Variants in PRMT8 observed in about 807,000 individuals in gnomAD.
The protein encoded by PRMT8 is protein arginine methyltransferase 8, also known as protein arginine N-methyltransferase 8.
In PRMT8, 7 loss-of-function variants were observed where a neutral mutation model predicts 47.1. The observed-to-expected ratio is 0.15, with a 90% confidence interval of 0.08 to 0.28. PRMT8 has a LOEUF of 0.28. Among genes scored for constraint, PRMT8 ranks in the 10% least tolerant of loss-of-function variants. PRMT8 has a pLI of 1.00. For missense variants in PRMT8, 237 were observed against 505.4 expected (o/e 0.47, Z 5.09); for synonymous variants, 188 against 186.5 (o/e 1.01, Z -0.07).
intron 1 of PRMT8, among the ~76,000 whole-genome samples, chr12:3,460,524 T>C (rs1865029329): frequency 6.6e-6 from 1 of 152,148 alleles, no homozygotes; most frequent in Non-Finnish European, 1.5e-5. Flanking sequence ...TAGGCAATGA[T>C]GAAGTTGGAG....
At position 3,494,050 on chromosome 12, in the gene PRMT8, A is replaced by T. The variant is rs182921393; in HGVS notation, c.75+2350A>T. 4.6e-4 allele frequency among the ~76,000 whole-genome samples: 70 copies of T among 152,310 alleles called. 1 individual carries two copies. The highest frequency in any genetic ancestry group is 4.0e-3 in the Admixed American group (61 of 15,300). ...GCCAGGACTAGAGCAGCACTTCCAA[A>T]AGTGGGGTGTTGTGGACTTGCCTGC... On this transcript the variant is annotated intron_variant, in intron 1 of 9. Coordinates refer to ENST00000382622, the MANE Select transcript of PRMT8 (RefSeq NM_019854.5).
chr12:3,493,403 G>A lies in PRMT8; in HGVS notation c.75+1703G>A, dbSNP rs1035289875. ...CGCGCTTCTGTGAAGTGTGGAGCGAGCGGGCACGTAGCGGTCTCTGCCAGG... is the reference window on the plus strand; with the variant it reads ...CGCGCTTCTGTGAAGTGTGGAGCGAACGGGCACGTAGCGGTCTCTGCCAGG... On this transcript the variant is annotated intron_variant, in intron 1 of 9. Transcript: ENST00000382622. This position sits in a 1 kb window ranked among gnomAD's most constrained non-coding sequence, Gnocchi z 8.2. Among the ~76,000 whole-genome samples, 3 of 152,262 alleles carry A rather than the reference G, an allele frequency of 2.0e-5. No homozygotes were observed. The highest frequency in any genetic ancestry group is 7.2e-5 in the African/African-American group (3 of 41,476).
At chr12:3,392,643 G>C (rs1864205124) in intron 1 of PRMT8, among the ~76,000 whole-genome samples, 1 of 151,660 alleles carries the variant, frequency 6.6e-6, no homozygotes, top group African/African-American at 2.4e-5. Context: ...CCAAGTCTTT[G>C]CTATTGTGAA....
intron 1 of PRMT8, among the ~76,000 whole-genome samples, chr12:3,519,660 G>A (rs1221673220): frequency 3.3e-5 from 5 of 152,202 alleles, no homozygotes; most frequent in African/African-American, 1.2e-4. Flanking sequence ...GAAGCTGTGA[G>A]TCCACCAGGG....
chr12:3,451,063 G>T (rs1864913963), intron 1 of PRMT8, among the ~76,000 whole-genome samples: 1 of 66,286 alleles, frequency 1.5e-5, no homozygotes, highest in Non-Finnish European at 2.9e-5. Context: ...CCCGCCGAAA[G>T]GTTTTGGGAC....
At chr12:3,434,968 CT>C (rs398044252) in intron 1 of PRMT8, among the ~76,000 whole-genome samples, 213 of 130,708 alleles carry the variant, frequency 1.6e-3, no homozygotes, top group Middle Eastern at 8.0e-3. Flanking sequence ...TTGCTTTGCT[CT>C]TTTTTTTTTT....
chr12:3,420,911 C>T (rs74848364), intron 1 of PRMT8, among the ~76,000 whole-genome samples: 333 of 152,248 alleles, frequency 2.2e-3, no homozygotes, highest in Non-Finnish European at 3.7e-3. Flanking sequence ...GAGTGCAGTT[C>T]CGTGGGGAAG....
intron 1 of PRMT8, among the ~76,000 whole-genome samples, chr12:3,398,177 C>T (rs1240201562): frequency 6.6e-6 from 1 of 152,328 alleles, no homozygotes; most frequent in African/African-American, 2.4e-5. Context: ...CTGCGTCGCT[C>T]ATGCTGTGAG....
chr12:3,405,116 A>G (rs1864359478), intron 1 of PRMT8, among the ~76,000 whole-genome samples: 1 of 152,162 alleles, frequency 6.6e-6, no homozygotes, highest in Non-Finnish European at 1.5e-5. Flanking sequence ...ATGGCTGGGG[A>G]GGCCTCAGGA....
At position 3,492,006 on chromosome 12, in the gene PRMT8, C is replaced by T. The variant is rs573682174; in HGVS notation, c.75+306C>T. Among the ~76,000 whole-genome samples the T allele has an allele frequency of 2.9e-4, 44 of 152,146 alleles. No homozygotes were observed. Among genetic ancestry groups the T allele is most frequent in the African/African-American group, 9.9e-4 (41 of 41,518 alleles). The stretch of plus-strand genomic sequence containing the variant: ...ACCCGCTGCTCCCTTCTCCCGCCCC[C>T]AAGTCCCAAACCCCGGGCAGCCGCG... On this transcript the variant is annotated intron_variant, in intron 1 of 9. Transcript: ENST00000382622. The surrounding 1 kb of genome is among the most constrained non-coding windows in gnomAD (Gnocchi z 7.5).
chr12:3,465,884 A>G (rs1281070872), intron 1 of PRMT8, among the ~76,000 whole-genome samples: 1 of 152,102 alleles, frequency 6.6e-6, no homozygotes, highest in Non-Finnish European at 1.5e-5. Context: ...TTTCTAATTC[A>G]TCTCTGTAGC....
At chr12:3,540,996 T>C (rs1015574252) in intron 2 of PRMT8, among the ~76,000 whole-genome samples, 1 of 152,062 alleles carries the variant, frequency 6.6e-6, no homozygotes, top group African/African-American at 2.4e-5. Context: ...CAGGTGAAAG[T>C]GTGTGTCTGT....
intron 4 of PRMT8, among the ~76,000 whole-genome samples, chr12:3,558,961 C>CCTGTCTATCTATCTATCTATCTAT: frequency 6.7e-6 from 1 of 150,108 alleles, no homozygotes; most frequent in African/African-American, 2.5e-5. Flanking sequence ...TATCTATCTA[C>CCTGTCTATCTATCTATCTATCTAT]CTATCTATCT....
intron 1 of PRMT8, among the ~76,000 whole-genome samples, chr12:3,526,865 G>A (rs1865956312): frequency 6.6e-6 from 1 of 151,976 alleles, no homozygotes; most frequent in African/African-American, 2.4e-5. Flanking sequence ...TTACTTTTAA[G>A]CTTTTATTAT....
At position 3,576,486 on chromosome 12, in the gene PRMT8, C is replaced by T. The variant is rs781418563; in HGVS notation, c.713-385C>T. Among the ~76,000 whole-genome samples, 62 of 152,192 alleles carry T rather than the reference C, an allele frequency of 4.1e-4. 1 individual carries two copies. The highest frequency in any genetic ancestry group is 8.1e-4 in the Non-Finnish European group (55 of 68,020). On this transcript the variant is annotated intron_variant, in intron 6 of 9. Coordinates refer to ENST00000382622, the MANE Select transcript of PRMT8 (RefSeq NM_019854.5). This position sits in a 1 kb window ranked among gnomAD's most constrained non-coding sequence, Gnocchi z 4.0. The stretch of plus-strand genomic sequence containing the variant: ...GCTCGAGACAGCATAGGAATGGGAA[C>T]GTAGAAGACAGATAAGGGAGTTCAT...
intron 1 of PRMT8, among the ~76,000 whole-genome samples, chr12:3,510,602 G>A (rs768161195): frequency 1.1e-4 from 17 of 152,004 alleles, no homozygotes; most frequent in Non-Finnish European, 1.9e-4. Context: ...CTCCCTACTC[G>A]AAGATGTAAA....
chr12:3,590,897 G>T (rs1247781777), intron 8 of PRMT8, among the ~76,000 whole-genome samples: 1 of 152,142 alleles, frequency 6.6e-6, no homozygotes, highest in Non-Finnish European at 1.5e-5. Flanking sequence ...CCCGGTCCCT[G>T]CCCTCATGGA....
chr12:3,393,122 C>T (rs1864212171), intron 1 of PRMT8, among the ~76,000 whole-genome samples: 1 of 152,098 alleles, frequency 6.6e-6, no homozygotes, highest in Non-Finnish European at 1.5e-5. Context: ...AGCCATTTGT[C>T]AGATGAATAG....
intron 1 of PRMT8, among the ~76,000 whole-genome samples, chr12:3,540,193 G>A (rs1866196405): frequency 1.3e-5 from 2 of 150,266 alleles, no homozygotes; most frequent in South Asian, 4.2e-4. Flanking sequence ...GCTGGGAAAT[G>A]GCAGAGCTGG....
Sources: allele counts gnomAD v4.1 joint callset (sites outside exome capture counted in the v4.1 genomes callset), GRCh38; gene constraint gnomAD v4.1.1; non-coding constraint Gnocchi (gnomAD v3.1); transcripts MANE v1.5; gene names NCBI Gene and HGNC (gene_info 2026-07-23, HGNC 2026-07-21).